Variants in LAMA2 observed in about 807,000 individuals in gnomAD.
LAMA2 encodes the protein laminin subunit alpha 2.
A neutral mutation model predicts 364.8 loss-of-function variants in LAMA2; 269 were observed. The ratio of observed to expected loss-of-function variants is 0.74; its 90% confidence interval spans 0.67 to 0.82. The LOEUF (loss-of-function observed/expected upper bound fraction) is 0.82. LAMA2 is among the 40% of genes least tolerant of loss of function. The pLI, the probability that LAMA2 is intolerant of heterozygous loss-of-function variation, is 0.00. For missense variants in LAMA2, 3,807 were observed against 3,873.2 expected (o/e 0.98, Z 0.45); for synonymous variants, 1,379 against 1,370.6 (o/e 1.01, Z -0.14).
At chr6:129,110,325 A>G (rs1024322289) in intron 4 of LAMA2, among the ~76,000 whole-genome samples, 2 of 152,070 alleles carry the variant, frequency 1.3e-5, no homozygotes, top group Non-Finnish European at 2.9e-5. Flanking sequence ...TCAGGTTGTC[A>G]AAACTCATAT....
chr6:129,189,965 T>A (rs1781433136), intron 10 of LAMA2, among the ~76,000 whole-genome samples: 1 of 152,194 alleles, frequency 6.6e-6, no homozygotes. Flanking sequence ...AAGATCAACA[T>A]AGTCACTTTT....
chr6:129,314,398 C>CAAAAAAAAAAAAAAAAAAAAAAAA lies in LAMA2; in HGVS notation c.3412-236_3412-235insAAAAAAAAAAAAAAAAAAAAAAAA, dbSNP rs3062342. Among the ~76,000 whole-genome samples, 23 of 81,864 alleles carry CAAAAAAAAAAAAAAAAAAAAAAAA rather than the reference C, an allele frequency of 2.8e-4. 1 individual carries two copies. Among genetic ancestry groups the CAAAAAAAAAAAAAAAAAAAAAAAA allele is most frequent in the African/African-American group, 7.1e-4 (13 of 18,194 alleles). 53.7% of individuals were successfully genotyped at this position (81,864 alleles called of 152,430 possible). A position where few individuals can be genotyped will look rare whatever the true frequency, so the allele number is the denominator to read the frequency against. On this transcript the variant is annotated intron_variant, in intron 23 of 64. Coordinates refer to ENST00000421865, the MANE Select transcript of LAMA2 (RefSeq NM_000426.4). ...TGGGCGAAAGAGCGAGACTCCGTCT[C>CAAAAAAAAAAAAAAAAAAAAAAAA]AAAAAAAAAAAAAAAAAAAAAGTAC...
intron 12 of LAMA2, among the ~76,000 whole-genome samples, chr6:129,246,895 GC>G (rs1466113798): frequency 1.3e-5 from 2 of 152,074 alleles, no homozygotes; most frequent in Non-Finnish European, 1.5e-5. Context: ...TATTCTCAAA[GC>G]TTTTTCCCTG....
At chr6:129,372,613 G>A (rs1349759434) in intron 34 of LAMA2, among the ~76,000 whole-genome samples, 2 of 152,174 alleles carry the variant, frequency 1.3e-5, no homozygotes, top group African/African-American at 2.4e-5. Context: ...AAACATCTTT[G>A]TGCAGACTTT....
At position 129,502,683 on chromosome 6, in the gene LAMA2, C is replaced by G. The variant is rs1239819020; in HGVS notation, c.8269C>G (p.Pro2757Ala). 6.2e-7 allele frequency: 1 copy of G among 1,613,862 alleles called. No homozygotes were observed. The highest frequency in any genetic ancestry group is 2.2e-5 in the East Asian group (1 of 44,870). The change falls in exon 59 of 65, where the codon CCA (proline) becomes GCA (alanine). Residue 2757 changes from proline (P) to alanine (A), a missense_variant. Physicochemically the swap from Pro to Ala is conservative, Grantham distance 27. Transcript: ENST00000421865. Reference protein sequence around the residue: ...THGPCAAESEPALLIGSKQFG... With the variant: ...THGPCAAESEAALLIGSKQFG... The stretch of plus-strand genomic sequence containing the variant: ...GGGTCCTTGTGCTGCAGAATCAGAA[C>G]CAGCTCTTTTGATAGGGAGCAAGCA...
chr6:129,135,581 A>G lies in LAMA2; in HGVS notation c.640-8320A>G, dbSNP rs150599780. Among the ~76,000 whole-genome samples the G allele has an allele frequency of 1.5e-4, 23 of 152,356 alleles. No individual in the cohort carries two copies. In the East Asian group the frequency reaches 4.2e-3, roughly 28 times the overall value. ...GTGTATTGTAATTTCTGAAATAGCA[A>G]TGAGGTTGGAATACATGACTAATGA... On this transcript the variant is annotated intron_variant, in intron 4 of 64. Transcript: ENST00000421865.
intron 34 of LAMA2, among the ~76,000 whole-genome samples, chr6:129,373,435 T>TGGTACATGTGTCATATACATGTTA (rs1367134899): frequency 6.6e-6 from 1 of 152,206 alleles, no homozygotes; most frequent in African/African-American, 2.4e-5. Flanking sequence ...TACATTAGCA[T>TGGTACATGTGTCATATACATGTTA]GGTACATGTG....
intron 37 of LAMA2, among the ~76,000 whole-genome samples, chr6:129,398,184 TTG>T (rs2114685562): frequency 6.6e-6 from 1 of 152,326 alleles, no homozygotes; most frequent in Non-Finnish European, 1.5e-5. Context: ...TAAAAGATTC[TTG>T]TGTTTCTGTA....
intron 10 of LAMA2, among the ~76,000 whole-genome samples, chr6:129,183,592 G>A (rs1472669596): frequency 6.6e-6 from 1 of 151,770 alleles, no homozygotes; most frequent in Non-Finnish European, 1.5e-5. Flanking sequence ...TTAGTTGTTT[G>A]TAGCATCTGG....
At chr6:128,968,945 C>T (rs375786383) in intron 1 of LAMA2, among the ~76,000 whole-genome samples, 1 of 152,176 alleles carries the variant, frequency 6.6e-6, no homozygotes, top group African/African-American at 2.4e-5. Flanking sequence ...TGCCTACTCT[C>T]TGAGAAACAG....
At chr6:129,168,404 C>G (rs1474666940) in intron 9 of LAMA2, among the ~76,000 whole-genome samples, 1 of 152,176 alleles carries the variant, frequency 6.6e-6, no homozygotes, top group Non-Finnish European at 1.5e-5. Flanking sequence ...TCTCCCAGCA[C>G]CATTTATTAA....
chr6:129,451,905 C>T (rs944885973), intron 45 of LAMA2, among the ~76,000 whole-genome samples: 6 of 152,252 alleles, frequency 3.9e-5, no homozygotes, highest in East Asian at 3.9e-4. Context: ...ACAGCCCTTT[C>T]ATGGAGGTAA....
chr6:129,201,330 A>C (rs1369724909), intron 12 of LAMA2, among the ~76,000 whole-genome samples: 1 of 152,232 alleles, frequency 6.6e-6, no homozygotes, highest in African/African-American at 2.4e-5. Flanking sequence ...ATACAAGGGA[A>C]GAGGAACCTG....
chr6:129,053,885 A>T (rs922256167), intron 2 of LAMA2, among the ~76,000 whole-genome samples: 3 of 152,168 alleles, frequency 2.0e-5, no homozygotes, highest in African/African-American at 7.2e-5. Flanking sequence ...AAGGTTTTCA[A>T]AGATAAGAGA....
chr6:129,055,277 C>T (rs1442104239), intron 2 of LAMA2, among the ~76,000 whole-genome samples: 7 of 151,372 alleles, frequency 4.6e-5, no homozygotes, highest in Admixed American at 3.3e-4. Flanking sequence ...CTGCAACCTT[C>T]GCCTCCCAGG....
At position 129,402,378 on chromosome 6, in the gene LAMA2, A is replaced by C; in HGVS notation, c.5617A>C (p.Lys1873Gln). The change falls in exon 39 of 65, where the codon AAA becomes CAA. Residue 1873 changes from lysine to glutamine, a missense_variant. Lys to Gln is a moderately conservative substitution (Grantham distance 53, BLOSUM62 1). Around this residue, in one of 3 missense-constraint regions of LAMA2, gnomAD observed 3,333 missense variants for 3,345.7 expected, o/e 1.00. Coordinates refer to ENST00000421865, the MANE Select transcript of LAMA2 (RefSeq NM_000426.4). ...ACCTATGTCTGAGGAGCTTAATGAT[A>C]AAATAGATGACCTCTCCCAAGAAAT... is the stretch of plus-strand genomic sequence containing the variant. ...LPPMSEELND[K>Q]IDDLSQEIKD... is the part of the protein sequence containing the mutation. 6.2e-7 allele frequency: 1 copy of C among 1,614,058 alleles called. No individual in the cohort carries two copies. The highest frequency in any genetic ancestry group is 1.1e-5 in the South Asian group (1 of 91,080).
intron 12 of LAMA2, among the ~76,000 whole-genome samples, chr6:129,211,000 G>A (rs1341157937): frequency 6.6e-6 from 1 of 152,138 alleles, no homozygotes; most frequent in Non-Finnish European, 1.5e-5. Flanking sequence ...TGTCCCCACG[G>A]CCTCATCTGT....
chr6:129,131,410 A>G (rs777950366), intron 4 of LAMA2, among the ~76,000 whole-genome samples: 2 of 151,988 alleles, frequency 1.3e-5, no homozygotes. Flanking sequence ...CTTGTCCCCA[A>G]CTCCCTGCCA....
chr6:129,128,243 A>G (rs931918807), intron 4 of LAMA2, among the ~76,000 whole-genome samples: 32 of 152,294 alleles, frequency 2.1e-4, no homozygotes, highest in African/African-American at 7.7e-4. Flanking sequence ...AACACCATTC[A>G]TTGAACAGAC....
Sources: allele counts gnomAD v4.1 joint callset (sites outside exome capture counted in the v4.1 genomes callset), GRCh38; gene constraint gnomAD v4.1.1; regional missense constraint gnomAD v4.1.1; transcripts MANE v1.5; gene names NCBI Gene and HGNC (gene_info 2026-07-23, HGNC 2026-07-21).